ELOVL5: variants seen among roughly 807,000 people sequenced by gnomAD.
ELOVL5 encodes the protein very long chain fatty acid elongase 5.
Under a neutral mutation model 38.6 loss-of-function variants are expected in ELOVL5, and 8 were observed. That is an observed-to-expected ratio of 0.21 (90% CI 0.12 to 0.37). The LOEUF (loss-of-function observed/expected upper bound fraction) is 0.37, where lower values mean the gene tolerates loss of function less well. Among genes scored for constraint, ELOVL5 ranks in the 10% least tolerant of loss-of-function variants. The pLI is 1.00. For synonymous variants in ELOVL5, 127 were observed against 133.7 expected, an observed-to-expected ratio of 0.95 and a Z score of 0.34; for missense variants, 280 against 367.8, an observed-to-expected ratio of 0.76 and a Z score of 1.95.
At position 53,325,387 on chromosome 6, in the gene ELOVL5, C is replaced by T. The variant is rs1262282723; in HGVS notation, c.-9+23430G>A. 4.6e-5 allele frequency among the ~76,000 whole-genome samples: 7 copies of T among 152,014 alleles called. No individual in the cohort carries two copies. In the East Asian group the frequency reaches 1.2e-3, roughly 25 times the overall value. On this transcript the variant is annotated intron_variant, in intron 1 of 7. Transcript: ENST00000304434. ...CCAAATGTCATTTTTTAAAAAAGTG[C>T]CCGTATCTTACCTATCATTTATGGA...
chr6:53,335,289 A>G lies in ELOVL5; in HGVS notation c.-9+13528T>C, dbSNP rs77033722. On this transcript the variant is annotated intron_variant, in intron 1 of 7. Transcript: ENST00000304434. ...CCAGTCAAAGGCTCCGGGGAAAATG[A>G]CCAAACCTGTCCCTGTGGCCCCAGG... 4.3e-3 allele frequency among the ~76,000 whole-genome samples: 659 copies of G among 152,218 alleles called. 8 individuals carry two copies. Among genetic ancestry groups the G allele is most frequent in the African/African-American group, 0.015 (636 of 41,540 alleles).
intron 6 of ELOVL5, 74 bp downstream of exon 6, chr6:53,273,141 TATTAC>T: frequency 6.8e-7 from 1 of 1,476,858 alleles, no homozygotes; most frequent in Non-Finnish European, 9.3e-7. Flanking sequence ...TCTTAGATGC[TATTAC>T]ATAACACTAA....
chr6:53,342,802 C>CGTCT (rs1769384082), intron 1 of ELOVL5, among the ~76,000 whole-genome samples: 1 of 152,164 alleles, frequency 6.6e-6, no homozygotes. Flanking sequence ...AATACTAAGA[C>CGTCT]ATACTCATGC....
intron 3 of ELOVL5, among the ~76,000 whole-genome samples, chr6:53,278,093 T>C (rs189887726): frequency 2.0e-5 from 3 of 152,264 alleles, no homozygotes; most frequent in Admixed American, 6.5e-5. Context: ...TACTAACATA[T>C]GACTGTCTTC....
At chr6:53,309,577 C>G (rs1266540955) in intron 1 of ELOVL5, among the ~76,000 whole-genome samples, 1 of 152,140 alleles carries the variant, frequency 6.6e-6, no homozygotes, top group Non-Finnish European at 1.5e-5. Flanking sequence ...ATACTCACAC[C>G]CTTATGTAGT....
intron 1 of ELOVL5, among the ~76,000 whole-genome samples, chr6:53,332,644 C>T (rs997460713): frequency 2.6e-5 from 4 of 152,032 alleles, no homozygotes; most frequent in Non-Finnish European, 5.9e-5. Flanking sequence ...AAGGGGAGTG[C>T]GTAGAGGAGT....
intron 1 of ELOVL5, among the ~76,000 whole-genome samples, chr6:53,339,646 G>T (rs557812181): frequency 1.6e-4 from 24 of 152,192 alleles, no homozygotes; most frequent in Non-Finnish European, 3.4e-4. Context: ...TAAAACATTT[G>T]TGGTGATGTT....
At chr6:53,306,219 G>A (rs556448946) in intron 1 of ELOVL5, among the ~76,000 whole-genome samples, 1 of 21,414 alleles carries the variant, frequency 4.7e-5, no homozygotes, top group Non-Finnish European at 7.7e-5. Context: ...AGGGGAGAGG[G>A]GAGAGGGGAG....
chr6:53,319,132 G>A (rs745997642), intron 1 of ELOVL5, among the ~76,000 whole-genome samples: 3 of 151,742 alleles, frequency 2.0e-5, no homozygotes, highest in Non-Finnish European at 1.5e-5. Flanking sequence ...TTAGCTGGGC[G>A]CAGTAGCGGG....
At chr6:53,269,914 A>G (rs1765862032) in intron 7 of ELOVL5, among the ~76,000 whole-genome samples, 1 of 152,196 alleles carries the variant, frequency 6.6e-6, no homozygotes, top group Non-Finnish European at 1.5e-5. Flanking sequence ...GAGCCTCGGG[A>G]CTTGCAGCCT....
At chr6:53,317,789 TATA>T (rs1213518121) in intron 1 of ELOVL5, among the ~76,000 whole-genome samples, 4 of 141,792 alleles carry the variant, frequency 2.8e-5, no homozygotes, top group East Asian at 2.0e-4. Context: ...AAACTTAAAG[TATA>T]ATAATAATAA....
At chr6:53,293,004 G>T (rs1555113) in intron 2 of ELOVL5, among the ~76,000 whole-genome samples, 55,144 of 151,846 alleles carry the variant, frequency 0.36, 11,133 homozygotes, top group African/African-American at 0.55. Context: ...CAGGTCAGCC[G>T]CCAGCAGCAA....
At chr6:53,347,477 G>A (rs1472490601) in intron 1 of ELOVL5, among the ~76,000 whole-genome samples, 1 of 152,130 alleles carries the variant, frequency 6.6e-6, no homozygotes, top group Non-Finnish European at 1.5e-5. Flanking sequence ...AATGCTTTTG[G>A]CTGAGACGTG....
chr6:53,341,321 G>A lies in ELOVL5; in HGVS notation c.-9+7496C>T, dbSNP rs538036630. Among the ~76,000 whole-genome samples, 8 of 152,206 alleles carry A rather than the reference G, an allele frequency of 5.3e-5. No homozygotes were observed. In the South Asian group the frequency reaches 1.5e-3, roughly 28 times the overall value. On this transcript the variant is annotated intron_variant, in intron 1 of 7. Coordinates refer to ENST00000304434, the MANE Select transcript of ELOVL5 (RefSeq NM_021814.5). ...TACCGTCAGCCTCCCAGAATGTAAC[G>A]ATGAATAAGAAACTCAACCTTGTTT...
intron 2 of ELOVL5, chr6:53,294,015 A>G (rs926465705): frequency 6.0e-5 from 59 of 988,628 alleles, no homozygotes; most frequent in Non-Finnish European, 7.3e-5. Flanking sequence ...GTTCCCACTT[A>G]GCAACTAACA....
chr6:53,291,668 T>C, intron 3 of ELOVL5, 108 bp downstream of exon 3: 2 of 795,764 alleles, frequency 2.5e-6, no homozygotes, highest in African/African-American at 1.8e-5. Context: ...GCTTGCCCAG[T>C]TGTCTCTACA....
intron 1 of ELOVL5, among the ~76,000 whole-genome samples, chr6:53,320,292 G>C (rs568124307): frequency 3.3e-5 from 5 of 152,126 alleles, no homozygotes; most frequent in African/African-American, 1.2e-4. Context: ...ACTCCAGCCT[G>C]GGTGACAGAA....
rs751814992 is a variant in ELOVL5, at chr6:53,288,011, T to C, written c.246+3765A>G. ...GGTCTGAGGCACAGCAGGAGAAGAG[T>C]AGACACATTGAATGGCTTCACATGA... On this transcript the variant is annotated intron_variant, in intron 3 of 7. Coordinates refer to ENST00000304434, the MANE Select transcript of ELOVL5 (RefSeq NM_021814.5). The C allele has an allele frequency of 1.4e-5, 18 of 1,295,054 alleles. No individual in the cohort carries two copies. The Middle Eastern group carries it at 9.0e-4, about 65-fold the overall frequency. The allele number at this position is 1,295,054 out of a possible 1,614,324, so 80.2% of individuals were successfully genotyped here.
chr6:53,305,761 G>C (rs1216625085), intron 1 of ELOVL5, among the ~76,000 whole-genome samples: 5 of 150,288 alleles, frequency 3.3e-5, no homozygotes, highest in Non-Finnish European at 7.4e-5. Context: ...CCCAGATGAT[G>C]GGCGGCCAGG....
Sources: gnomAD v4.1 joint callset for allele counts (sites outside exome capture counted in the v4.1 genomes callset) on GRCh38, gnomAD v4.1.1 for gene constraint, MANE v1.5 for transcripts, NCBI Gene and HGNC (gene_info 2026-07-23, HGNC 2026-07-21) for gene names.